The following PALM2AKAP2 variants were observed in gnomAD, a reference collection of about 807,000 sequenced individuals.
The protein encoded by PALM2AKAP2 is PALM2-AKAP2 fusion protein.
In PALM2AKAP2, 37 loss-of-function variants were observed where a neutral mutation model predicts 71.5. The observed-to-expected ratio is 0.52, with a 90% confidence interval of 0.40 to 0.68. The LOEUF is 0.68. Among genes scored for constraint, PALM2AKAP2 ranks in the 30% least tolerant of loss-of-function variants. PALM2AKAP2 has a pLI of 0.00. For synonymous variants in PALM2AKAP2, 468 were observed against 478.8 expected (o/e 0.98, Z 0.29); for missense variants, 1,224 against 1,191.8 (o/e 1.03, Z -0.40).
chr9:110,097,888 G>C (rs1834892567), intron 1 of PALM2AKAP2, among the ~76,000 whole-genome samples: 1 of 140,654 alleles, frequency 7.1e-6, no homozygotes, highest in Non-Finnish European at 1.5e-5. Flanking sequence ...ACTGAGTGAA[G>C]GAGACTCCGT....
At chr9:109,968,452 T>C (rs1831998310) in intron 6 of PALM2AKAP2, among the ~76,000 whole-genome samples, 1 of 152,204 alleles carries the variant, frequency 6.6e-6, no homozygotes, top group Admixed American at 6.5e-5. Context: ...CAGAAGCGAC[T>C]AGATCTCTCA....
chr9:110,078,102 T>G (rs1164269024), intron 1 of PALM2AKAP2, among the ~76,000 whole-genome samples: 2 of 152,110 alleles, frequency 1.3e-5, no homozygotes, highest in African/African-American at 2.4e-5. Context: ...ACTTTGCTGC[T>G]CAAACTTGAA....
chr9:109,725,834 A>G (rs1222913552), intron 1 of PALM2AKAP2, among the ~76,000 whole-genome samples: 1 of 152,246 alleles, frequency 6.6e-6, no homozygotes. Context: ...GACATGAAAA[A>G]GTAGCAAAAT....
chr9:110,125,166 T>C (rs1419949972), intron 1 of PALM2AKAP2, among the ~76,000 whole-genome samples: 2 of 152,170 alleles, frequency 1.3e-5, no homozygotes, highest in Non-Finnish European at 2.9e-5. Flanking sequence ...GTCTTTCAGA[T>C]TTTTTGCTGC....
chr9:109,993,475 AACTTGTCAGTAGG>A (rs1313768049), intron 6 of PALM2AKAP2, among the ~76,000 whole-genome samples: 1 of 152,224 alleles, frequency 6.6e-6, no homozygotes, highest in Non-Finnish European at 1.5e-5. Flanking sequence ...CCCATCCCTA[AACTTGTCAGTAGG>A]ACACTGACCA....
chr9:109,763,656 A>G (rs1829097397), intron 1 of PALM2AKAP2, among the ~76,000 whole-genome samples: 1 of 152,142 alleles, frequency 6.6e-6, no homozygotes. Context: ...GGAAGTCTGA[A>G]ATCAAGGTGT....
At position 109,774,335 on chromosome 9, in the gene PALM2AKAP2, C is replaced by T. The variant is rs576282159; in HGVS notation, c.6-6153C>T. ...AGTTTGTAGCTAATTCATAGCCAAA[C>T]CTAGAATTGTTTCTACCACAGAGCA... On this transcript the variant is annotated intron_variant, in intron 1 of 6. Coordinates refer to the PALM2AKAP2 transcript ENST00000374531. Among the ~76,000 whole-genome samples, 34 of 152,288 alleles carry T rather than the reference C, an allele frequency of 2.2e-4. 2 individuals carry two copies. The South Asian group carries it at 6.6e-3, about 30-fold the overall frequency.
chr9:109,789,729 A>G (rs904391279), intron 1 of PALM2AKAP2, among the ~76,000 whole-genome samples: 4 of 152,208 alleles, frequency 2.6e-5, no homozygotes, highest in African/African-American at 9.6e-5. Context: ...GTTTGGGAGA[A>G]GACCACACAG....
chr9:110,094,465 T>A (rs1395911426), intron 1 of PALM2AKAP2, among the ~76,000 whole-genome samples: 1 of 152,156 alleles, frequency 6.6e-6, no homozygotes, highest in Non-Finnish European at 1.5e-5. Flanking sequence ...GGCTCATGAT[T>A]CCACAGGCTG....
intron 1 of PALM2AKAP2, among the ~76,000 whole-genome samples, chr9:109,851,284 G>A (rs1829010102): frequency 6.6e-6 from 1 of 152,062 alleles, no homozygotes; most frequent in South Asian, 2.1e-4. Context: ...ATCTCTGAAG[G>A]TGAGGCCTGG....
chr9:109,956,043 C>G (rs1472643336), intron 6 of PALM2AKAP2, among the ~76,000 whole-genome samples: 1 of 149,988 alleles, frequency 6.7e-6, no homozygotes, highest in Non-Finnish European at 1.5e-5. Context: ...CTCACTCTGT[C>G]ACCCAGGCTA....
chr9:110,061,509 A>C (rs1833964555), intron 1 of PALM2AKAP2, among the ~76,000 whole-genome samples: 1 of 151,974 alleles, frequency 6.6e-6, no homozygotes, highest in East Asian at 1.9e-4. Flanking sequence ...GCTTCTTGAT[A>C]ATGAATGTTG....
chr9:109,784,945 A>G (rs1243868736), intron 1 of PALM2AKAP2, among the ~76,000 whole-genome samples: 1 of 152,194 alleles, frequency 6.6e-6, no homozygotes, highest in East Asian at 1.9e-4. Context: ...GCATAGAAAT[A>G]CCCAACATAA....
At chr9:109,953,800 A>G (rs1044489640) in intron 6 of PALM2AKAP2, among the ~76,000 whole-genome samples, 7 of 144,426 alleles carry the variant, frequency 4.8e-5, no homozygotes, top group Non-Finnish European at 1.5e-5. Flanking sequence ...GCACCACTGC[A>G]CTCTAGCCTG....
chr9:109,966,659 G>A (rs1313554979), intron 6 of PALM2AKAP2, among the ~76,000 whole-genome samples: 5 of 152,230 alleles, frequency 3.3e-5, no homozygotes, highest in African/African-American at 7.2e-5. Flanking sequence ...TGGTTGGTAC[G>A]TTGGTGTCTG....
At chr9:109,739,602 T>C (rs1828688526) in intron 1 of PALM2AKAP2, among the ~76,000 whole-genome samples, 1 of 152,182 alleles carries the variant, frequency 6.6e-6, no homozygotes, top group Non-Finnish European at 1.5e-5. Context: ...CACCACTAAT[T>C]AGTGGCAGAA....
chr9:109,990,883 C>G (rs952775353), intron 6 of PALM2AKAP2, among the ~76,000 whole-genome samples: 1 of 152,166 alleles, frequency 6.6e-6, no homozygotes, highest in Non-Finnish European at 1.5e-5. Context: ...TAGAAGACAA[C>G]GTTGAGAGGC....
intron 7 of PALM2AKAP2, among the ~76,000 whole-genome samples, chr9:110,027,739 G>A (rs1833207662): frequency 6.6e-6 from 1 of 152,194 alleles, no homozygotes; most frequent in South Asian, 2.1e-4. Context: ...TATTACAAAA[G>A]AGGAAAAGCA....
chr9:109,923,697 C>T (rs1286654051), intron 3 of PALM2AKAP2, 38 bp from the exon 4 acceptor site: 1 of 1,549,892 alleles, frequency 6.5e-7, no homozygotes, highest in Non-Finnish European at 8.7e-7. Context: ...GATGGCAGGA[C>T]AATAAAGTAA....
Sources: gnomAD v4.1 joint callset for allele counts (sites outside exome capture counted in the v4.1 genomes callset) on GRCh38, gnomAD v4.1.1 for gene constraint, MANE v1.5 for transcripts, NCBI Gene and HGNC (gene_info 2026-07-23, HGNC 2026-07-21) for gene names.